Variants in THSD4 observed in about 807,000 individuals in gnomAD.
THSD4 encodes the protein thrombospondin type 1 domain containing 4.
In THSD4, 69 loss-of-function variants were observed where a neutral mutation model predicts 119.0. The ratio of observed to expected loss-of-function variants is 0.58; its 90% CI spans 0.48 to 0.71. The LOEUF is 0.71. Ranked by LOEUF, THSD4 falls within the 30% of genes least tolerant of loss-of-function variation. The probability of loss-of-function intolerance (pLI) is 0.00; values close to 1 mark genes in which losing one functional copy is unlikely to be tolerated. For synonymous variants in THSD4, 524 were observed against 540.4 expected (o/e 0.97, Z 0.42); for missense variants, 1,393 against 1,391.1 (o/e 1.00, Z -0.02).
At chr15:71,669,079 G>A (rs571401353) in intron 8 of THSD4, among the ~76,000 whole-genome samples, 5 of 152,188 alleles carry the variant, frequency 3.3e-5, no homozygotes, top group African/African-American at 1.2e-4. Flanking sequence ...GGAAAATAAA[G>A]CAAAATTTCT....
intron 7 of THSD4, among the ~76,000 whole-genome samples, chr15:71,639,148 C>CCATG (rs2050806588): frequency 6.6e-6 from 1 of 152,192 alleles, no homozygotes; most frequent in South Asian, 2.1e-4. Context: ...TTGTAATCCT[C>CCATG]CATGTACCCA....
intron 6 of THSD4, among the ~76,000 whole-genome samples, chr15:71,404,603 A>G (rs2046580054): frequency 6.6e-6 from 1 of 152,216 alleles, no homozygotes; most frequent in African/African-American, 2.4e-5. Flanking sequence ...ACTCAATATG[A>G]TATCATTAAG....
intron 6 of THSD4, among the ~76,000 whole-genome samples, chr15:71,304,759 C>T (rs940633447): frequency 2.0e-5 from 3 of 152,066 alleles, no homozygotes; most frequent in African/African-American, 7.2e-5. Context: ...AAAAAGTAAC[C>T]AAAATGTGTA....
At chr15:71,279,835 A>G (rs1310777889) in intron 6 of THSD4, among the ~76,000 whole-genome samples, 2 of 152,066 alleles carry the variant, frequency 1.3e-5, no homozygotes, top group Non-Finnish European at 2.9e-5. Context: ...TGATTCATGC[A>G]GTCACTTTTT....
intron 5 of THSD4, among the ~76,000 whole-genome samples, chr15:71,243,872 C>T (rs1223367603): frequency 2.1e-5 from 3 of 145,990 alleles, no homozygotes; most frequent in Non-Finnish European, 4.5e-5. Context: ...GCAACCTCTG[C>T]CTCCCAGGTT....
At chr15:71,319,469 A>G (rs1318092741) in intron 6 of THSD4, among the ~76,000 whole-genome samples, 7 of 146,170 alleles carry the variant, frequency 4.8e-5, no homozygotes, top group Admixed American at 1.4e-4. Flanking sequence ...TCACTGTTCA[A>G]TTCCCACCTG....
At chr15:71,215,430 C>T (rs1179186123) in intron 4 of THSD4, 31 bp downstream of exon 4, 2 of 1,484,700 alleles carry the variant, frequency 1.3e-6, no homozygotes, top group East Asian at 5.5e-5. Flanking sequence ...GTGCCGCTCC[C>T]CGTCCCTGTC....
chr15:71,435,014 G>A (rs940116174), intron 7 of THSD4, among the ~76,000 whole-genome samples: 1 of 152,080 alleles, frequency 6.6e-6, no homozygotes, highest in Non-Finnish European at 1.5e-5. Flanking sequence ...ACAGTTAGAA[G>A]AAAAAAGAAA....
intron 8 of THSD4, among the ~76,000 whole-genome samples, chr15:71,708,938 C>T (rs2052450460): frequency 6.6e-6 from 1 of 152,218 alleles, no homozygotes; most frequent in Non-Finnish European, 1.5e-5. Context: ...CCCTGGAACA[C>T]TGCCACACGA....
intron 7 of THSD4, among the ~76,000 whole-genome samples, chr15:71,658,326 C>T (rs1282659736): frequency 6.6e-6 from 1 of 152,224 alleles, no homozygotes; most frequent in African/African-American, 2.4e-5. Context: ...TCTTTCCTAC[C>T]TGTGTACACA....
chr15:71,281,809 C>A (rs72759669), intron 6 of THSD4, among the ~76,000 whole-genome samples: 1 of 152,060 alleles, frequency 6.6e-6, no homozygotes. Context: ...GGTTTTTTAC[C>A]ATGAGGAATT....
At chr15:71,530,226 C>T (rs11631525) in intron 7 of THSD4, among the ~76,000 whole-genome samples, 29,857 of 152,012 alleles carry the variant, frequency 0.2, 3,177 homozygotes, top group Non-Finnish European at 0.24. Context: ...GACTACCAGC[C>T]GAATGGCAGT....
At chr15:71,648,758 G>A (rs765308411) in intron 7 of THSD4, among the ~76,000 whole-genome samples, 1 of 152,176 alleles carries the variant, frequency 6.6e-6, no homozygotes, top group Non-Finnish European at 1.5e-5. Flanking sequence ...TATGTAGCTT[G>A]TGTGAAAAAG....
intron 6 of THSD4, among the ~76,000 whole-genome samples, chr15:71,265,138 T>C (rs916920059): frequency 6.6e-6 from 1 of 151,930 alleles, no homozygotes; most frequent in Non-Finnish European, 1.5e-5. Flanking sequence ...GTGTTCCTAG[T>C]GGAACACTAA....
At chr15:71,352,932 C>G (rs2045762573) in intron 6 of THSD4, among the ~76,000 whole-genome samples, 1 of 152,178 alleles carries the variant, frequency 6.6e-6, no homozygotes, top group African/African-American at 2.4e-5. Flanking sequence ...GGCTCACAAG[C>G]CCAAACGTTC....
chr15:71,703,571 A>G (rs982772056), intron 8 of THSD4, among the ~76,000 whole-genome samples: 8 of 152,118 alleles, frequency 5.3e-5, no homozygotes, highest in African/African-American at 1.9e-4. Flanking sequence ...AGGGTCTTAC[A>G]TCGCACTGGG....
At chr15:71,299,796 C>T (rs527353686) in intron 6 of THSD4, among the ~76,000 whole-genome samples, 1 of 151,830 alleles carries the variant, frequency 6.6e-6, no homozygotes, top group East Asian at 1.9e-4. Context: ...ACATATTGTA[C>T]CCCATAAAAT....
At chr15:71,331,713 C>T (rs1163637239) in intron 6 of THSD4, among the ~76,000 whole-genome samples, 9 of 152,158 alleles carry the variant, frequency 5.9e-5, no homozygotes, top group Non-Finnish European at 1.2e-4. Context: ...ACAGGGAACA[C>T]CTCAGGGCCC....
rs561767129 is a variant in THSD4 at position 71,745,021 on chromosome 15, G to A, written c.1907-85G>A. 6.7e-5 allele frequency: 101 copies of A among 1,514,328 alleles called. 1 individual carries two copies. The East Asian group carries it at 2.0e-3, about 30-fold the overall frequency. 93.8% of individuals were successfully genotyped at this position (1,514,328 alleles called of 1,614,324 possible). A position where few individuals can be genotyped will look rare whatever the true frequency, so the allele number is the denominator to read the frequency against. ...CTGTTTCTGTGCCCTCTCTTCATCA[G>A]CACCCGAATCTCTGTGCATCTCCAC... On this transcript the variant is annotated intron_variant, in intron 11 of 17. Transcript: ENST00000261862.
Sources: gnomAD v4.1 joint callset for allele counts (sites outside exome capture counted in the v4.1 genomes callset) on GRCh38, gnomAD v4.1.1 for gene constraint, MANE v1.5 for transcripts, NCBI Gene and HGNC (gene_info 2026-07-23, HGNC 2026-07-21) for gene names.